Variants in PTPRD observed in about 807,000 individuals in gnomAD.
PTPRD encodes the protein protein tyrosine phosphatase receptor type D, also known as receptor-type tyrosine-protein phosphatase delta.
In PTPRD, 34 loss-of-function variants were observed where a neutral mutation model predicts 214.5. The observed-to-expected ratio is 0.16, with a 90% CI of 0.12 to 0.21. The LOEUF is 0.21. Among genes scored for constraint, PTPRD ranks in the 10% least tolerant of loss-of-function variants. The pLI is 1.00. For synonymous variants in PTPRD, 1,128 were observed against 845.7 expected (o/e 1.33, Z -5.79); for missense variants, 2,545 against 2,398.7 (o/e 1.06, Z -1.27).
chr9:8,558,230 T>G (rs565428392), intron 14 of PTPRD, among the ~76,000 whole-genome samples: 2 of 152,366 alleles, frequency 1.3e-5, no homozygotes, highest in South Asian at 4.1e-4. Flanking sequence ...TATTTCCTTA[T>G]GCAAACGGAG....
chr9:8,323,540 C>T (rs1281476510), intron 44 of PTPRD, among the ~76,000 whole-genome samples: 1 of 152,118 alleles, frequency 6.6e-6, no homozygotes, highest in Non-Finnish European at 1.5e-5. Flanking sequence ...AAGTTGATTC[C>T]AATCTTCATG....
chr9:8,799,556 G>A (rs1600181529), intron 11 of PTPRD, among the ~76,000 whole-genome samples: 1 of 152,216 alleles, frequency 6.6e-6, no homozygotes, highest in Non-Finnish European at 1.5e-5. Flanking sequence ...CCTAGTATCT[G>A]TAAAGTAAGC....
intron 9 of PTPRD, among the ~76,000 whole-genome samples, chr9:9,340,427 T>C (rs2046333990): frequency 6.6e-6 from 1 of 152,228 alleles, no homozygotes. Context: ...ATGCTTATTA[T>C]ACATTATGGA....
chr9:9,318,399 A>G (rs1964563104), intron 9 of PTPRD, among the ~76,000 whole-genome samples: 1 of 152,146 alleles, frequency 6.6e-6, no homozygotes, highest in Non-Finnish European at 1.5e-5. Context: ...AGTCAAATAA[A>G]GAAGACTATA....
intron 10 of PTPRD, among the ~76,000 whole-genome samples, chr9:9,036,693 T>C (rs1195910805): frequency 4.6e-5 from 7 of 152,142 alleles, no homozygotes; most frequent in Non-Finnish European, 1.0e-4. Context: ...AATTCTAAAA[T>C]GTATTGTTTA....
chr9:8,520,113 C>G (rs2097859237), intron 20 of PTPRD, among the ~76,000 whole-genome samples: 1 of 152,152 alleles, frequency 6.6e-6, no homozygotes, highest in African/African-American at 2.4e-5. Context: ...ACTTTCAAAG[C>G]AAATACAAAT....
chr9:10,320,774 C>A (rs2096539282), intron 3 of PTPRD, among the ~76,000 whole-genome samples: 1 of 152,000 alleles, frequency 6.6e-6, no homozygotes, highest in South Asian at 2.1e-4. Flanking sequence ...TGTCACCAGG[C>A]TGGAGTACAG....
rs982478180 is a variant in PTPRD at position 8,326,883 on chromosome 9, T to C, written c.5534+4699A>G. Among the ~76,000 whole-genome samples the C allele has an allele frequency of 4.1e-5, 6 of 147,020 alleles. No homozygotes were observed. The East Asian group carries it at 6.2e-4, about 15-fold the overall frequency. Reference sequence around the variant, plus strand: ...GTATTCTCTGATGGTAGTTTGTATTTGTGTGGGATCAGTGGTGATTTCCCC... The same window carrying C: ...GTATTCTCTGATGGTAGTTTGTATTCGTGTGGGATCAGTGGTGATTTCCCC... On this transcript the variant is annotated intron_variant, in intron 44 of 45. Coordinates refer to ENST00000381196, the MANE Select transcript of PTPRD (RefSeq NM_002839.4).
chr9:9,502,720 G>C (rs2096458598), intron 8 of PTPRD, among the ~76,000 whole-genome samples: 1 of 151,838 alleles, frequency 6.6e-6, no homozygotes, highest in Admixed American at 6.6e-5. Context: ...TAAACAATTT[G>C]TGAAATATTC....
intron 11 of PTPRD, among the ~76,000 whole-genome samples, chr9:8,840,614 G>C (rs2097539344): frequency 1.3e-5 from 2 of 152,110 alleles, no homozygotes; most frequent in African/African-American, 4.8e-5. Flanking sequence ...TATTCAAATG[G>C]GATGATTTAT....
intron 5 of PTPRD, among the ~76,000 whole-genome samples, chr9:9,832,062 C>T (rs1291171604): frequency 6.6e-6 from 1 of 151,964 alleles, no homozygotes; most frequent in East Asian, 1.9e-4. Context: ...CTACCATTCT[C>T]TCCCTAAAAA....
chr9:9,261,974 A>C (rs1397740344), intron 9 of PTPRD, among the ~76,000 whole-genome samples: 1 of 151,778 alleles, frequency 6.6e-6, no homozygotes, highest in Non-Finnish European at 1.5e-5. Flanking sequence ...TCATATACTA[A>C]AGGAGGAGGA....
At chr9:8,864,570 G>C (rs974239621) in intron 11 of PTPRD, among the ~76,000 whole-genome samples, 1 of 152,140 alleles carries the variant, frequency 6.6e-6, no homozygotes, top group Non-Finnish European at 1.5e-5. Flanking sequence ...TATTTTTAAA[G>C]GTTCTTTCTA....
chr9:9,529,877 A>G (rs192009901), intron 8 of PTPRD, among the ~76,000 whole-genome samples: 2 of 151,776 alleles, frequency 1.3e-5, no homozygotes, highest in African/African-American at 4.8e-5. Context: ...TTTACACTCT[A>G]TATAAATACA....
chr9:8,908,090 A>G (rs2098721042), intron 11 of PTPRD, among the ~76,000 whole-genome samples: 1 of 152,212 alleles, frequency 6.6e-6, no homozygotes, highest in African/African-American at 2.4e-5. Flanking sequence ...AAGCAGCAGC[A>G]CAATTAATAG....
intron 3 of PTPRD, among the ~76,000 whole-genome samples, chr9:10,145,322 ATCT>A (rs1352251819): frequency 6.6e-6 from 1 of 152,080 alleles, no homozygotes; most frequent in Non-Finnish European, 1.5e-5. Context: ...GAATGGGTCC[ATCT>A]TCTTCTGCCT....
rs1373715460 is a variant in PTPRD, at chr9:10,078,198, C to A, written c.-544-44408G>T. ...TCTTATACCAATAATTATGCAAAAT[C>A]ATAGATCTCAGGGTTAGAAAGAACC... On this transcript the variant is annotated intron_variant, in intron 3 of 45. Transcript: ENST00000381196. Among the ~76,000 whole-genome samples the A allele has an allele frequency of 2.0e-5, 3 of 151,622 alleles. No homozygotes were observed. In the East Asian group the frequency reaches 5.8e-4, roughly 29 times the overall value.
intron 14 of PTPRD, among the ~76,000 whole-genome samples, chr9:8,619,334 C>T (rs1198780297): frequency 6.6e-6 from 1 of 151,742 alleles, no homozygotes; most frequent in African/African-American, 2.4e-5. Context: ...CTTTGACCAC[C>T]ATCTCCCCAA....
At chr9:9,027,188 G>C (rs1009025768) in intron 10 of PTPRD, among the ~76,000 whole-genome samples, 2 of 151,578 alleles carry the variant, frequency 1.3e-5, no homozygotes, top group Non-Finnish European at 2.9e-5. Context: ...TGTTTTTCCA[G>C]GTGGATTTTC....
Sources: gnomAD v4.1 joint callset for allele counts (sites outside exome capture counted in the v4.1 genomes callset) on GRCh38, gnomAD v4.1.1 for gene constraint, MANE v1.5 for transcripts, NCBI Gene and HGNC (gene_info 2026-07-23, HGNC 2026-07-21) for gene names.